The following WWOX variants were observed in gnomAD, a reference collection of about 807,000 sequenced individuals.
The protein encoded by WWOX is WW domain containing oxidoreductase.
A neutral mutation model predicts 46.2 loss-of-function variants in WWOX; 69 were observed. The observed-to-expected ratio is 1.49, with a 90% CI of 1.23 to 1.82. The LOEUF (loss-of-function observed/expected upper bound fraction) is 1.82. Ranked by LOEUF, WWOX falls within the 40% of genes most tolerant of loss-of-function variation. The probability of loss-of-function intolerance (pLI) is 0.00; values close to 1 mark genes in which losing one functional copy is unlikely to be tolerated. For missense variants in WWOX, 919 were observed against 542.6 expected, an observed-to-expected ratio of 1.69 and a Z score of -6.89; for synonymous variants, 359 against 202.6, an observed-to-expected ratio of 1.77 and a Z score of -6.56.
At chr16:78,440,628 T>TTTTTTTTTTTTA (rs2083423704) in intron 8 of WWOX, among the ~76,000 whole-genome samples, 1 of 150,472 alleles carries the variant, frequency 6.6e-6, no homozygotes, top group African/African-American at 2.5e-5. Context: ...TTTTTTTCTT[T>TTTTTTTTTTTTA]TTTTTTGAGA....
intron 8 of WWOX, among the ~76,000 whole-genome samples, chr16:78,572,818 A>G (rs184580707): frequency 6.6e-6 from 1 of 152,098 alleles, no homozygotes; most frequent in South Asian, 2.1e-4. Flanking sequence ...GAATGGTGCC[A>G]TGGCGAGAGA....
intron 4 of WWOX, chr16:78,119,116 GT>G (rs1351726199): frequency 6.6e-6 from 1 of 152,230 alleles, no homozygotes; most frequent in African/African-American, 2.4e-5. Flanking sequence ...ATGCTAACCA[GT>G]AGAGACAAGG....
At chr16:78,292,857 G>A (rs960017715) in intron 5 of WWOX, among the ~76,000 whole-genome samples, 3 of 152,188 alleles carry the variant, frequency 2.0e-5, no homozygotes, top group Admixed American at 6.5e-5. Context: ...GATGGGCTAG[G>A]AGGGTGAGGA....
At chr16:79,115,396 C>G (rs898706343) in intron 8 of WWOX, among the ~76,000 whole-genome samples, 2 of 152,118 alleles carry the variant, frequency 1.3e-5, no homozygotes, top group African/African-American at 4.8e-5. Context: ...GAAAGAAACT[C>G]GGGGCATGGA....
At chr16:78,169,336 C>T (rs1016583050) in intron 5 of WWOX, among the ~76,000 whole-genome samples, 6 of 151,954 alleles carry the variant, frequency 3.9e-5, no homozygotes, top group East Asian at 1.9e-4. Flanking sequence ...TCTGGGACAA[C>T]GATAGGTGTG....
intron 8 of WWOX, among the ~76,000 whole-genome samples, chr16:78,505,472 A>G (rs922950120): frequency 1.1e-4 from 16 of 152,052 alleles, no homozygotes; most frequent in Non-Finnish European, 1.9e-4. Flanking sequence ...TACTTTTTTA[A>G]CGCTTCGTAC....
intron 8 of WWOX, among the ~76,000 whole-genome samples, chr16:79,169,210 CAG>C (rs748172374): frequency 4.6e-5 from 7 of 152,192 alleles, no homozygotes; most frequent in Non-Finnish European, 8.8e-5. Context: ...ATTTCAGAGA[CAG>C]GGGCATTTGG....
rs140000198 is a variant in WWOX, at chr16:78,743,680, C to T, written c.1056+310928C>T. On this transcript the variant is annotated intron_variant, in intron 8 of 8. Coordinates refer to ENST00000566780, the MANE Select transcript of WWOX (RefSeq NM_016373.4). ...AGTACCCCTGATTGGTTGCTTTCCA[C>T]GACCATTCAGCCGTTTGCATAGGAG... is the stretch of plus-strand genomic sequence containing the variant. Among the ~76,000 whole-genome samples the T allele has an allele frequency of 2.0e-5, 3 of 152,262 alleles. No individual in the cohort carries two copies. The East Asian group carries it at 5.8e-4, about 29-fold the overall frequency.
At chr16:78,934,717 G>A (rs1032331984) in intron 8 of WWOX, among the ~76,000 whole-genome samples, 1 of 152,092 alleles carries the variant, frequency 6.6e-6, no homozygotes, top group Non-Finnish European at 1.5e-5. Flanking sequence ...TTGACAGTGG[G>A]GCCACAGCAG....
At position 78,592,467 on chromosome 16, in the gene WWOX, A is replaced by G. The variant is rs554657541; in HGVS notation, c.1056+159715A>G. 3.3e-5 allele frequency among the ~76,000 whole-genome samples: 5 copies of G among 152,344 alleles called. No individual in the cohort carries two copies. In the South Asian group the frequency reaches 8.3e-4, roughly 25 times the overall value. On this transcript the variant is annotated intron_variant, in intron 8 of 8. Transcript: ENST00000566780. ...AGTGTGATGAGAATGGAAACATTCCATAGGACGCAGAGTTATTCCTCAAGC... is the reference window on the plus strand; with the variant it reads ...AGTGTGATGAGAATGGAAACATTCCGTAGGACGCAGAGTTATTCCTCAAGC...
chr16:78,247,417 A>G (rs572028497), intron 5 of WWOX, among the ~76,000 whole-genome samples: 3 of 151,960 alleles, frequency 2.0e-5, no homozygotes, highest in African/African-American at 7.3e-5. Context: ...CATGGGTGCA[A>G]AAGATGCCTC....
intron 8 of WWOX, among the ~76,000 whole-genome samples, chr16:79,077,140 G>A (rs2048673040): frequency 6.6e-6 from 1 of 152,184 alleles, no homozygotes. Flanking sequence ...CTAAGCCCGT[G>A]CTTTGTAGAA....
At chr16:78,278,764 C>A in intron 5 of WWOX, 2 of 1,025,444 alleles carry the variant, frequency 2.0e-6, no homozygotes, top group Non-Finnish European at 2.9e-6. Context: ...GGTGATCTGA[C>A]AGACATGTAC....
At chr16:78,803,871 G>A (rs1441742020) in intron 8 of WWOX, among the ~76,000 whole-genome samples, 1 of 152,156 alleles carries the variant, frequency 6.6e-6, no homozygotes, top group African/African-American at 2.4e-5. Context: ...ATTGAGTACT[G>A]CTTCGTTTCT....
chr16:78,458,017 C>T (rs1256072342), intron 8 of WWOX, among the ~76,000 whole-genome samples: 1 of 151,086 alleles, frequency 6.6e-6, no homozygotes, highest in African/African-American at 2.4e-5. Context: ...GCGGAGGTTG[C>T]AGTGAGCCAA....
intron 8 of WWOX, among the ~76,000 whole-genome samples, chr16:78,567,157 G>T (rs144851130): frequency 8.5e-4 from 130 of 152,318 alleles, no homozygotes; most frequent in African/African-American, 3.1e-3. Flanking sequence ...GGTGAAGGGC[G>T]TGATTGGCAG....
chr16:78,189,398 C>A (rs74745508), intron 5 of WWOX, among the ~76,000 whole-genome samples: 7,736 of 152,192 alleles, frequency 0.051, 300 homozygotes, highest in African/African-American at 0.11. Flanking sequence ...GTCCTTGTCT[C>A]CATCGCTGTC....
chr16:78,869,550 T>C (rs1878848812), intron 8 of WWOX, among the ~76,000 whole-genome samples: 1 of 152,338 alleles, frequency 6.6e-6, no homozygotes, highest in East Asian at 1.9e-4. Flanking sequence ...GTCTGGTCAA[T>C]TGAAACAGCC....
At chr16:79,085,811 T>C (rs949538220) in intron 8 of WWOX, among the ~76,000 whole-genome samples, 1 of 152,126 alleles carries the variant, frequency 6.6e-6, no homozygotes, top group Admixed American at 6.5e-5. Context: ...TTGCGGAAGC[T>C]GAGACTGGAG....
Sources: gnomAD v4.1 joint callset for allele counts (sites outside exome capture counted in the v4.1 genomes callset) on GRCh38, gnomAD v4.1.1 for gene constraint, MANE v1.5 for transcripts, NCBI Gene and HGNC (gene_info 2026-07-23, HGNC 2026-07-21) for gene names.